CDH13: variants seen among roughly 807,000 people sequenced by gnomAD.
The protein encoded by CDH13 is cadherin 13, also known as cadherin-13.
Under a neutral mutation model 63.8 loss-of-function variants are expected in CDH13, and 24 were observed. The observed-to-expected ratio is 0.38, with a 90% CI of 0.27 to 0.53. The LOEUF is 0.53. Among genes scored for constraint, CDH13 ranks in the 20% least tolerant of loss-of-function variants. The pLI, the probability that CDH13 is intolerant of heterozygous loss-of-function variation, is 0.85. For synonymous variants in CDH13, 503 were observed against 355.3 expected (o/e 1.42, Z -4.67); for missense variants, 1,049 against 903.1 (o/e 1.16, Z -2.07).
chr16:82,889,300 ATCTC>A (rs59500269), intron 2 of CDH13, among the ~76,000 whole-genome samples: 19 of 149,830 alleles, frequency 1.3e-4, no homozygotes, highest in African/African-American at 2.2e-4. Flanking sequence ...TCTCTCTATT[ATCTC>A]TCTCTCTCTC....
intron 1 of CDH13, among the ~76,000 whole-genome samples, chr16:82,819,803 C>T (rs1567567887): frequency 6.6e-6 from 1 of 152,096 alleles, no homozygotes. Flanking sequence ...GGCAAAGATC[C>T]CTATGCTTGT....
At chr16:83,005,459 G>A (rs1415550899) in intron 2 of CDH13, among the ~76,000 whole-genome samples, 1 of 151,876 alleles carries the variant, frequency 6.6e-6, no homozygotes, top group Non-Finnish European at 1.5e-5. Flanking sequence ...TCAGTGCCCC[G>A]CCCCCACCAC....
chr16:83,680,295 C>T (rs1413976574), intron 10 of CDH13, among the ~76,000 whole-genome samples: 1 of 152,166 alleles, frequency 6.6e-6, no homozygotes, highest in Non-Finnish European at 1.5e-5. Flanking sequence ...TCATGCACCT[C>T]CCTGCTCCAG....
At chr16:83,337,102 A>G (rs1434961904) in intron 5 of CDH13, among the ~76,000 whole-genome samples, 1 of 152,166 alleles carries the variant, frequency 6.6e-6, no homozygotes, top group African/African-American at 2.4e-5. Context: ...TTGCATTTTT[A>G]AGGGATTCTT....
intron 2 of CDH13, among the ~76,000 whole-genome samples, chr16:83,017,793 C>T (rs960647199): frequency 1.1e-4 from 17 of 152,078 alleles, no homozygotes; most frequent in African/African-American, 2.9e-4. Context: ...TGAACCAACA[C>T]GCTTTGATGC....
At chr16:83,783,539 A>G (rs1915678907) in intron 13 of CDH13, 67 bp downstream of exon 13, 3 of 1,216,024 alleles carry the variant, frequency 2.5e-6, no homozygotes, top group South Asian at 2.4e-5. Flanking sequence ...TCGTGAAGCC[A>G]GCATTTTCCC....
At chr16:83,157,181 C>T (rs2037242689) in intron 4 of CDH13, among the ~76,000 whole-genome samples, 1 of 152,122 alleles carries the variant, frequency 6.6e-6, no homozygotes, top group Non-Finnish European at 1.5e-5. Flanking sequence ...AGTTAAATTA[C>T]TTTTTAATAG....
chr16:83,018,753 A>G (rs1915054788), intron 2 of CDH13, among the ~76,000 whole-genome samples: 2 of 152,366 alleles, frequency 1.3e-5, no homozygotes, highest in Admixed American at 6.5e-5. Flanking sequence ...CTTACAACCT[A>G]TGGCTCCTCG....
At chr16:83,206,632 A>G (rs2039190476) in intron 4 of CDH13, among the ~76,000 whole-genome samples, 2 of 152,274 alleles carry the variant, frequency 1.3e-5, no homozygotes, top group Admixed American at 1.3e-4. Context: ...ATACCAGCGA[A>G]TACAATCAGA....
chr16:83,128,641 T>A (rs2035914149), intron 4 of CDH13, among the ~76,000 whole-genome samples: 1 of 152,264 alleles, frequency 6.6e-6, no homozygotes, highest in Non-Finnish European at 1.5e-5. Context: ...TCCTATAGTT[T>A]TCTTCAATTA....
chr16:83,108,865 G>C (rs2034915870), intron 3 of CDH13, among the ~76,000 whole-genome samples: 1 of 152,112 alleles, frequency 6.6e-6, no homozygotes, highest in African/African-American at 2.4e-5. Flanking sequence ...AAATCCCCCA[G>C]CTCCCTTGCC....
At chr16:83,620,993 C>A (rs1429501080) in intron 8 of CDH13, among the ~76,000 whole-genome samples, 1 of 152,284 alleles carries the variant, frequency 6.6e-6, no homozygotes, top group African/African-American at 2.4e-5. Context: ...AAAGCACCTG[C>A]TTTGTACGCA....
chr16:83,778,416 G>T lies in CDH13; in HGVS notation c.1682-1552G>T, dbSNP rs576099970. On this transcript the variant is annotated intron_variant, in intron 11 of 13. Transcript: ENST00000567109. ...ATTGTGTTGCACACCTGTAATCCCAGCTACTTGGGTGGCTGAGGCATGAGA... is the reference window on the plus strand; with the variant it reads ...ATTGTGTTGCACACCTGTAATCCCATCTACTTGGGTGGCTGAGGCATGAGA... Among the ~76,000 whole-genome samples the T allele has an allele frequency of 9.9e-5, 15 of 152,078 alleles. No individual in the cohort carries two copies. In the East Asian group the frequency reaches 2.9e-3, roughly 29 times the overall value.
intron 1 of CDH13, among the ~76,000 whole-genome samples, chr16:82,735,195 C>G: frequency 6.6e-6 from 1 of 152,222 alleles, no homozygotes; most frequent in African/African-American, 2.4e-5. Context: ...AATCTCCCCA[C>G]CCATTGATTA....
chr16:82,871,689 A>G (rs367802945), intron 2 of CDH13, among the ~76,000 whole-genome samples: 16 of 152,154 alleles, frequency 1.1e-4, no homozygotes, highest in African/African-American at 3.9e-4. Context: ...AAACATATAA[A>G]ATTATCAGCT....
intron 3 of CDH13, among the ~76,000 whole-genome samples, chr16:83,052,927 G>A (rs780564264): frequency 6.6e-6 from 1 of 152,104 alleles, no homozygotes; most frequent in Non-Finnish European, 1.5e-5. Context: ...TTGGGCCAAA[G>A]CCTAAAGATA....
intron 5 of CDH13, among the ~76,000 whole-genome samples, chr16:83,238,280 C>T (rs1904280947): frequency 6.6e-6 from 1 of 152,068 alleles, no homozygotes; most frequent in African/African-American, 2.4e-5. Context: ...GGAGGCCTCC[C>T]AATCATGGTG....
chr16:83,731,290 A>T (rs1461403619), intron 10 of CDH13, among the ~76,000 whole-genome samples: 2 of 152,002 alleles, frequency 1.3e-5, no homozygotes, highest in Admixed American at 6.6e-5. Flanking sequence ...AACAGTGTAT[A>T]AGAGTTCCCT....
rs1033952014 is a variant in CDH13, at chr16:83,047,293, T to C, written c.366+15075T>C. Among the ~76,000 whole-genome samples the C allele has an allele frequency of 2.0e-5, 3 of 152,238 alleles. No individual in the cohort carries two copies. The highest frequency in any genetic ancestry group is 7.2e-5 in the African/African-American group (3 of 41,466). On this transcript the variant is annotated intron_variant, in intron 3 of 13. Coordinates refer to ENST00000567109, the MANE Select transcript of CDH13 (RefSeq NM_001257.5). This position sits in a 1 kb window ranked among gnomAD's most constrained non-coding sequence, Gnocchi z 4.9. ...GCCTCTGCTGTGAATTTAAGTCATC[T>C]AATCAAAATGCATTATTTCTGTCCT...
Sources: gnomAD v4.1 joint callset for allele counts (sites outside exome capture counted in the v4.1 genomes callset) on GRCh38, gnomAD v4.1.1 for gene constraint, Gnocchi (gnomAD v3.1) non-coding constraint, MANE v1.5 for transcripts, NCBI Gene and HGNC (gene_info 2026-07-23, HGNC 2026-07-21) for gene names.